MCU: variants seen among roughly 807,000 people sequenced by gnomAD.
MCU encodes the protein mitochondrial calcium uniporter.
MCU carries 12 observed loss-of-function variants against 45.2 expected under a neutral mutation model. The observed-to-expected ratio is 0.27, with a 90% CI of 0.17 to 0.43. The LOEUF (loss-of-function observed/expected upper bound fraction) is 0.43. Among genes scored for constraint, MCU ranks in the 20% least tolerant of loss-of-function variants. The pLI is 1.00. For missense variants in MCU, 324 were observed against 436.7 expected (o/e 0.74, Z 2.30); for synonymous variants, 160 against 165.1 (o/e 0.97, Z 0.24).
At chr10:72,820,890 T>C (rs1844701808) in intron 1 of MCU, among the ~76,000 whole-genome samples, 1 of 151,776 alleles carries the variant, frequency 6.6e-6, no homozygotes, top group African/African-American at 2.4e-5. Flanking sequence ...CTACTTTCCA[T>C]ACGTGTTCCG....
chr10:72,873,326 G>A (rs909034264), intron 6 of MCU, among the ~76,000 whole-genome samples: 13 of 151,832 alleles, frequency 8.6e-5, no homozygotes. Flanking sequence ...CCTTCATTGT[G>A]GTTTTGATTT....
intron 6 of MCU, among the ~76,000 whole-genome samples, chr10:72,882,359 G>A (rs894446268): frequency 5.3e-5 from 8 of 152,172 alleles, no homozygotes; most frequent in African/African-American, 9.7e-5. Context: ...AACTCTGACC[G>A]CCAGTGAGCC....
chr10:72,696,374 G>GGAGACAGATTCAATAATTCCTA (rs1842687779), intron 1 of MCU, among the ~76,000 whole-genome samples: 1 of 151,228 alleles, frequency 6.6e-6, no homozygotes, highest in Non-Finnish European at 1.5e-5. Context: ...TCCTTTAAAT[G>GGAGACAGATTCAATAATTCCTA]GAGACAGATT....
At chr10:72,795,558 A>G (rs1844230316) in intron 1 of MCU, among the ~76,000 whole-genome samples, 1 of 152,206 alleles carries the variant, frequency 6.6e-6, no homozygotes, top group African/African-American at 2.4e-5. Flanking sequence ...AATTTCTGGG[A>G]CTTATATCAG....
intron 1 of MCU, among the ~76,000 whole-genome samples, chr10:72,824,354 G>A (rs1254777056): frequency 3.5e-5 from 5 of 142,084 alleles, no homozygotes; most frequent in African/African-American, 1.0e-4. Flanking sequence ...CTGCCACCAC[G>A]CCTGGCTAAT....
At chr10:72,769,096 C>T (rs1398288993) in intron 1 of MCU, among the ~76,000 whole-genome samples, 1 of 152,066 alleles carries the variant, frequency 6.6e-6, no homozygotes, top group Non-Finnish European at 1.5e-5. Context: ...TCAAGTGATC[C>T]TCCCTCCTCA....
chr10:72,758,921 G>T (rs974440808), intron 1 of MCU, among the ~76,000 whole-genome samples: 1 of 152,072 alleles, frequency 6.6e-6, no homozygotes, highest in Non-Finnish European at 1.5e-5. Context: ...TTAGAATAAG[G>T]TTTGAAAAAT....
chr10:72,835,246 C>T (rs1844939822), intron 2 of MCU, among the ~76,000 whole-genome samples: 2 of 152,172 alleles, frequency 1.3e-5, no homozygotes, highest in African/African-American at 4.8e-5. Flanking sequence ...TATAAACTGG[C>T]GACAGGATCC....
chr10:72,880,262 T>TA (rs1455746786), intron 6 of MCU, among the ~76,000 whole-genome samples: 3 of 152,142 alleles, frequency 2.0e-5, no homozygotes, highest in African/African-American at 4.8e-5. Context: ...AACTGACACT[T>TA]ACAGATTTTG....
intron 1 of MCU, among the ~76,000 whole-genome samples, chr10:72,713,340 C>T (rs1162366305): frequency 3.3e-5 from 5 of 152,150 alleles, no homozygotes; most frequent in African/African-American, 1.2e-4. Context: ...AATGCAGTGG[C>T]GCAATCTCGG....
chr10:72,700,303 C>T (rs1381550025), intron 1 of MCU, among the ~76,000 whole-genome samples: 1 of 152,092 alleles, frequency 6.6e-6, no homozygotes, highest in Non-Finnish European at 1.5e-5. Context: ...TCAGGTGATC[C>T]CCCCACTTCA....
chr10:72,712,027 T>TAA (rs1270112441), intron 1 of MCU, among the ~76,000 whole-genome samples: 1 of 145,098 alleles, frequency 6.9e-6, no homozygotes, highest in Non-Finnish European at 1.5e-5. Flanking sequence ...CTGTGTTTCT[T>TAA]AAAAAAAAAA....
intron 1 of MCU, among the ~76,000 whole-genome samples, chr10:72,807,096 A>C (rs1349927154): frequency 1.3e-5 from 2 of 152,176 alleles, no homozygotes; most frequent in Non-Finnish European, 2.9e-5. Context: ...CTGAGAAACA[A>C]TATTTATTTT....
At chr10:72,849,492 A>T (rs1006282185) in intron 2 of MCU, among the ~76,000 whole-genome samples, 3 of 151,886 alleles carry the variant, frequency 2.0e-5, no homozygotes, top group Non-Finnish European at 4.4e-5. Context: ...GCTGTGGGAG[A>T]CCCAATTTCT....
intron 1 of MCU, among the ~76,000 whole-genome samples, chr10:72,752,557 C>T (rs915151656): frequency 6.6e-6 from 1 of 152,124 alleles, no homozygotes; most frequent in Non-Finnish European, 1.5e-5. Context: ...CAGTAATAAA[C>T]ATGAATAGCA....
intron 1 of MCU, among the ~76,000 whole-genome samples, chr10:72,702,907 G>A (rs1461907102): frequency 3.9e-5 from 6 of 152,014 alleles, no homozygotes; most frequent in Non-Finnish European, 7.3e-5. Flanking sequence ...TGAACCGGGA[G>A]GCAGAGGTTG....
At chr10:72,739,333 C>A (rs188282165) in intron 1 of MCU, among the ~76,000 whole-genome samples, 31 of 152,212 alleles carry the variant, frequency 2.0e-4, no homozygotes, top group Non-Finnish European at 3.8e-4. Flanking sequence ...TTATTTTTAG[C>A]ACAACTGGAA....
chr10:72,741,638 T>C (rs541662843), intron 1 of MCU, among the ~76,000 whole-genome samples: 5 of 152,326 alleles, frequency 3.3e-5, no homozygotes, highest in African/African-American at 4.8e-5. Context: ...TCCTGTGTTA[T>C]GCTGCCAAGT....
intron 1 of MCU, among the ~76,000 whole-genome samples, chr10:72,730,153 G>T (rs936449615): frequency 6.6e-6 from 1 of 151,228 alleles, no homozygotes; most frequent in Non-Finnish European, 1.5e-5. Context: ...TAGAGATGGG[G>T]TTTTACCCTG....
Sources: allele counts gnomAD v4.1 joint callset (sites outside exome capture counted in the v4.1 genomes callset), GRCh38; gene constraint gnomAD v4.1.1; transcripts MANE v1.5; gene names NCBI Gene and HGNC (gene_info 2026-07-23, HGNC 2026-07-21).